PLCL1: variants seen among roughly 807,000 people sequenced by gnomAD.
PLCL1 encodes inactive phospholipase C-like protein 1.
PLCL1 carries 41 observed loss-of-function variants against 84.4 expected under a neutral mutation model. The observed-to-expected ratio is 0.49, with a 90% CI of 0.38 to 0.63. The LOEUF is 0.63. Among genes scored for constraint, PLCL1 ranks in the 30% least tolerant of loss-of-function variants. The probability of loss-of-function intolerance (pLI) is 0.00; values close to 1 mark genes in which losing one functional copy is unlikely to be tolerated. For missense variants in PLCL1, 1,206 were observed against 1,367.8 expected, an observed-to-expected ratio of 0.88 and a Z score of 1.87; for synonymous variants, 490 against 488.3, an observed-to-expected ratio of 1.00 and a Z score of -0.05.
chr2:198,077,362 A>G (rs927683569), intron 1 of PLCL1, among the ~76,000 whole-genome samples: 1 of 152,160 alleles, frequency 6.6e-6, no homozygotes, highest in African/African-American at 2.4e-5. Context: ...ATTTAAAAAA[A>G]AAGGAACATA....
chr2:197,845,827 T>C (rs1488244399), intron 1 of PLCL1, among the ~76,000 whole-genome samples: 1 of 152,154 alleles, frequency 6.6e-6, no homozygotes. Context: ...AATAACTACA[T>C]ACATCCTGGG....
At chr2:197,862,759 G>A (rs1574918190) in intron 1 of PLCL1, among the ~76,000 whole-genome samples, 1 of 152,114 alleles carries the variant, frequency 6.6e-6, no homozygotes, top group Non-Finnish European at 1.5e-5. Flanking sequence ...GCTTGATCTG[G>A]TGTGAGTCAT....
intron 5 of PLCL1, among the ~76,000 whole-genome samples, chr2:198,141,164 A>C (rs887150093): frequency 6.6e-6 from 1 of 152,202 alleles, no homozygotes; most frequent in Non-Finnish European, 1.5e-5. Context: ...TTGAGTGTTC[A>C]TGGAGTAAAA....
intron 1 of PLCL1, among the ~76,000 whole-genome samples, chr2:197,982,713 A>AATG (rs1444036534): frequency 1.3e-5 from 2 of 152,160 alleles, no homozygotes; most frequent in Non-Finnish European, 2.9e-5. Context: ...TTGTGATATA[A>AATG]ATGTGGGGTA....
chr2:198,021,634 G>A lies in PLCL1; in HGVS notation c.241-62124G>A, dbSNP rs577446174. Among the ~76,000 whole-genome samples, 5 of 152,240 alleles carry A rather than the reference G, an allele frequency of 3.3e-5. No homozygotes were observed. The East Asian group carries it at 9.6e-4, about 29-fold the overall frequency. On this transcript the variant is annotated intron_variant, in intron 1 of 5. Transcript: ENST00000428675. Reference sequence around the variant, plus strand: ...TAAACACCTCTATGCAAATAAACTAGAAATTCTAGAAGAAATGGATAAATT... The same window carrying A: ...TAAACACCTCTATGCAAATAAACTAAAAATTCTAGAAGAAATGGATAAATT...
At chr2:197,945,361 C>A (rs964972058) in intron 1 of PLCL1, among the ~76,000 whole-genome samples, 1 of 152,112 alleles carries the variant, frequency 6.6e-6, no homozygotes, top group Admixed American at 6.5e-5. Context: ...CTCTAAGATA[C>A]GTATGCTTTT....
Position 198,083,913 on chromosome 2 carries a change from C to T in PLCL1, c.396C>T (p.Asn132=). 2 of 1,614,126 alleles carry T rather than the reference C, an allele frequency of 1.2e-6. No homozygotes were observed. The highest frequency in any genetic ancestry group is 1.7e-6 in the Non-Finnish European group (2 of 1,179,984). Residue 132 remains asparagine, a synonymous_variant, in exon 2 of 6, where the codon AAC becomes AAT. Transcript: ENST00000428675. ...TCCGGCCAAATTCTCGCATTTACAA[C>T]CGTTTTTTCACTCTGGACACAGACC... ...KKVRPNSRIY[N]RFFTLDTDLQ... is the part of the protein sequence containing the mutation.
At chr2:197,865,057 G>A (rs1393945664) in intron 1 of PLCL1, among the ~76,000 whole-genome samples, 1 of 152,132 alleles carries the variant, frequency 6.6e-6, no homozygotes, top group African/African-American at 2.4e-5. Context: ...TGCCCAATTA[G>A]AGTGTGAATC....
intron 1 of PLCL1, among the ~76,000 whole-genome samples, chr2:198,029,780 G>C (rs982274890): frequency 1.2e-4 from 17 of 145,698 alleles, no homozygotes; most frequent in African/African-American, 4.2e-4. Flanking sequence ...GGCTCACTAC[G>C]ACTTCTGTCT....
chr2:198,027,421 C>T (rs1691296437), intron 1 of PLCL1, among the ~76,000 whole-genome samples: 1 of 152,054 alleles, frequency 6.6e-6, no homozygotes, highest in Admixed American at 6.6e-5. Flanking sequence ...GTTCAAGAGA[C>T]CCATTGTACA....
intron 1 of PLCL1, among the ~76,000 whole-genome samples, chr2:197,898,198 G>T (rs531610847): frequency 1.2e-4 from 18 of 152,264 alleles, no homozygotes; most frequent in Admixed American, 9.8e-4. Flanking sequence ...AGTGTAGTTA[G>T]TTCAAATTTC....
intron 1 of PLCL1, among the ~76,000 whole-genome samples, chr2:197,887,537 A>AC (rs1687945261): frequency 6.6e-6 from 1 of 152,188 alleles, no homozygotes; most frequent in Admixed American, 6.5e-5. Flanking sequence ...TATGAGAGTA[A>AC]CTTTTTCCTA....
chr2:197,858,193 C>G (rs1034362641), intron 1 of PLCL1, among the ~76,000 whole-genome samples: 10 of 152,100 alleles, frequency 6.6e-5, no homozygotes, highest in Non-Finnish European at 8.8e-5. Flanking sequence ...TTGCAAAGAG[C>G]ACATGTTTTG....
At chr2:197,815,855 T>C (rs1455393272) in intron 1 of PLCL1, among the ~76,000 whole-genome samples, 1 of 152,238 alleles carries the variant, frequency 6.6e-6, no homozygotes, top group Non-Finnish European at 1.5e-5. Flanking sequence ...TTCCATTTCA[T>C]GATAAAAATT....
intron 1 of PLCL1, among the ~76,000 whole-genome samples, chr2:197,943,261 CTA>C (rs1689198196): frequency 6.7e-6 from 1 of 149,216 alleles, no homozygotes; most frequent in African/African-American, 2.5e-5. Context: ...AATTTATAAA[CTA>C]TTTTTATTTT....
In PLCL1 at chr2:198,085,080, G is replaced by T. The variant is rs1195198188; in HGVS notation, c.1563G>T (p.Leu521Phe). 6.2e-7 allele frequency: 1 copy of T among 1,613,856 alleles called. No individual in the cohort carries two copies. The highest frequency in any genetic ancestry group is 1.3e-5 in the African/African-American group (1 of 74,866). ...ATAAACTCTATACTGAAGCACCTTT[G>T]CCCTCAGAATCCTACCTCCCATCAC... Reference protein sequence around the residue: ...FGNKLYTEAPLPSESYLPSPE... With the variant: ...FGNKLYTEAPFPSESYLPSPE... The change falls in exon 2 of 6, where the codon TTG (leucine) becomes TTT (phenylalanine). Residue 521 changes from leucine to phenylalanine, a missense_variant. By Grantham distance (22) the Leu-to-Phe change is conservative (BLOSUM62 0). Transcript: ENST00000428675. The surrounding 1 kb of genome is among the most constrained non-coding windows in gnomAD (Gnocchi z 5.3).
At chr2:198,078,535 A>C (rs1692635800) in intron 1 of PLCL1, among the ~76,000 whole-genome samples, 1 of 152,118 alleles carries the variant, frequency 6.6e-6, no homozygotes, top group African/African-American at 2.4e-5. Context: ...TTTTATTAAT[A>C]ATTTCTTAAG....
In PLCL1 at chr2:198,089,073, C is replaced by T. The variant is rs367584949; in HGVS notation, c.2919+12C>T. ...CTGCTTATGATCTGGTAGGAAATTG[C>T]GACTCCATATTTTTTTACGTGTGTG... is the stretch of plus-strand genomic sequence containing the variant. On this transcript the variant is annotated intron_variant, in intron 3 of 5. Coordinates refer to ENST00000428675, the MANE Select transcript of PLCL1 (RefSeq NM_006226.4). The T allele has an allele frequency of 1.7e-5, 28 of 1,601,156 alleles. No homozygotes were observed. Among genetic ancestry groups the T allele is most frequent in the Admixed American group, 3.3e-5 (2 of 59,966 alleles).
chr2:198,118,329 G>T lies in PLCL1; in HGVS notation c.3105+14393G>T, dbSNP rs1430070857. Among the ~76,000 whole-genome samples the T allele has an allele frequency of 2.0e-5, 3 of 151,882 alleles. No homozygotes were observed. In the East Asian group the frequency reaches 5.8e-4, roughly 30 times the overall value. On this transcript the variant is annotated intron_variant, in intron 5 of 5. Coordinates refer to ENST00000428675, the MANE Select transcript of PLCL1 (RefSeq NM_006226.4). ...CTTAAAAATTGCTGGGTTCATCTCA[G>T]GAAGCATAATTTTGTTCTAGAGATT...
Sources: gnomAD v4.1 joint callset for allele counts (sites outside exome capture counted in the v4.1 genomes callset) on GRCh38, gnomAD v4.1.1 for gene constraint, Gnocchi (gnomAD v3.1) non-coding constraint, MANE v1.5 for transcripts, NCBI Gene and HGNC (gene_info 2026-07-23, HGNC 2026-07-21) for gene names.